Variants in CCDC178 observed in about 807,000 individuals in gnomAD.
The protein encoded by CCDC178 is coiled-coil domain containing 178.
CCDC178 carries 126 observed loss-of-function variants against 117.4 expected under a neutral mutation model. The ratio of observed to expected loss-of-function variants is 1.07; its 90% CI spans 0.93 to 1.24. CCDC178 has a LOEUF of 1.24. Among genes scored for constraint, CCDC178 ranks in the 50% most tolerant of loss-of-function variants. CCDC178 has a pLI of 0.00. For synonymous variants in CCDC178, 283 were observed against 313.4 expected, an observed-to-expected ratio of 0.90 and a Z score of 1.02; for missense variants, 1,030 against 986.9, an observed-to-expected ratio of 1.04 and a Z score of -0.59.
intron 15 of CCDC178, among the ~76,000 whole-genome samples, chr18:33,244,782 A>C (rs1014911706): frequency 6.6e-6 from 1 of 151,960 alleles, no homozygotes; most frequent in Non-Finnish European, 1.5e-5. Flanking sequence ...GGTTTGAAGC[A>C]TGTGAGCAAT....
chr18:33,160,881 C>T (rs1258987621), intron 20 of CCDC178, among the ~76,000 whole-genome samples: 2 of 152,112 alleles, frequency 1.3e-5, no homozygotes, highest in South Asian at 2.1e-4. Context: ...ATCCACTTGA[C>T]TCTTCATTAC....
chr18:33,048,260 A>AT (rs1598826050), intron 21 of CCDC178, among the ~76,000 whole-genome samples: 2 of 152,122 alleles, frequency 1.3e-5, no homozygotes, highest in African/African-American at 4.8e-5. Context: ...TAAACTTCTG[A>AT]TTTTTTAAGC....
At chr18:33,069,757 G>A (rs944492116) in intron 21 of CCDC178, among the ~76,000 whole-genome samples, 3 of 151,996 alleles carry the variant, frequency 2.0e-5, no homozygotes, top group Non-Finnish European at 4.4e-5. Context: ...AAAAATGGGA[G>A]AAAATGTTTG....
intron 5 of CCDC178, among the ~76,000 whole-genome samples, chr18:33,376,804 A>G (rs901114781): frequency 2.6e-5 from 4 of 152,188 alleles, no homozygotes; most frequent in African/African-American, 9.7e-5. Flanking sequence ...ATGGCAGTAT[A>G]GTATTTCATG....
intron 20 of CCDC178, among the ~76,000 whole-genome samples, chr18:33,094,060 C>T (rs1468796494): frequency 6.6e-6 from 1 of 151,954 alleles, no homozygotes; most frequent in Non-Finnish European, 1.5e-5. Context: ...ATTGCCTGTA[C>T]AAATATTTCT....
At chr18:33,088,293 T>C (rs951782610) in intron 21 of CCDC178, among the ~76,000 whole-genome samples, 3 of 151,420 alleles carry the variant, frequency 2.0e-5, no homozygotes, top group Non-Finnish European at 4.4e-5. Context: ...ATATTTCATA[T>C]AAAATTTAGA....
chr18:33,075,479 GT>G (rs1163455088), intron 21 of CCDC178, among the ~76,000 whole-genome samples: 2 of 152,010 alleles, frequency 1.3e-5, no homozygotes, highest in Non-Finnish European at 2.9e-5. Context: ...TCTCTACAAT[GT>G]GATTATTATG....
intron 21 of CCDC178, among the ~76,000 whole-genome samples, chr18:33,058,334 G>A (rs573674217): frequency 5.6e-4 from 86 of 152,290 alleles, no homozygotes; most frequent in Middle Eastern, 3.4e-3. Context: ...AATGAAGTAC[G>A]TAAAAATGAT....
intron 3 of CCDC178, among the ~76,000 whole-genome samples, chr18:33,405,099 T>C (rs2063762711): frequency 6.6e-6 from 1 of 152,066 alleles, no homozygotes; most frequent in Admixed American, 6.6e-5. Flanking sequence ...GTAAATTTTA[T>C]GCTATGTGAA....
intron 20 of CCDC178, among the ~76,000 whole-genome samples, chr18:33,105,691 A>C (rs2057696208): frequency 6.6e-6 from 1 of 151,652 alleles, no homozygotes; most frequent in Admixed American, 6.6e-5. Context: ...TGAGAAAAAT[A>C]ATAAGGTTTC....
At chr18:32,979,474 A>T (rs959158823) in intron 21 of CCDC178, among the ~76,000 whole-genome samples, 1 of 152,214 alleles carries the variant, frequency 6.6e-6, no homozygotes, top group African/African-American at 2.4e-5. Context: ...TTATAAATCA[A>T]TATGACCAAT....
Position 32,964,774 on chromosome 18 carries a change from C to T in CCDC178, c.2523+9773G>A, listed in dbSNP as rs147166624. 6.0e-4 allele frequency among the ~76,000 whole-genome samples: 91 copies of T among 152,046 alleles called. 2 individuals are homozygous for T. In the East Asian group the frequency reaches 0.016, roughly 27 times the overall value. ...TTCAGAGCGGTTAAGTGTATATTTT[C>T]ACTTCAGAAAATATCCCATAGAAAG... On this transcript the variant is annotated intron_variant, in intron 22 of 22. Transcript: ENST00000383096.
At chr18:33,351,228 T>G (rs528831494) in intron 7 of CCDC178, among the ~76,000 whole-genome samples, 1 of 152,140 alleles carries the variant, frequency 6.6e-6, no homozygotes, top group Non-Finnish European at 1.5e-5. Context: ...AAAGTCTCAC[T>G]GTCGCCCAGG....
At chr18:33,203,914 A>T (rs2059019846) in intron 20 of CCDC178, among the ~76,000 whole-genome samples, 1 of 152,138 alleles carries the variant, frequency 6.6e-6, no homozygotes, top group East Asian at 1.9e-4. Context: ...CTCTTTTAAG[A>T]CTCTATCCAA....
chr18:33,083,475 G>C (rs9964841), intron 21 of CCDC178, among the ~76,000 whole-genome samples: 78 of 152,290 alleles, frequency 5.1e-4, no homozygotes, highest in African/African-American at 1.8e-3. Flanking sequence ...CCAAAAACTA[G>C]ATATTATCAT....
intron 15 of CCDC178, among the ~76,000 whole-genome samples, chr18:33,241,485 C>CA (rs2059487898): frequency 6.9e-6 from 1 of 143,960 alleles, no homozygotes; most frequent in Non-Finnish European, 1.5e-5. Flanking sequence ...GAGACTCTAC[C>CA]AAAAAAATTG....
intron 11 of CCDC178, among the ~76,000 whole-genome samples, chr18:33,317,945 T>C (rs1423201968): frequency 6.6e-6 from 1 of 151,990 alleles, no homozygotes; most frequent in Non-Finnish European, 1.5e-5. Flanking sequence ...CCATGCTAAA[T>C]GGAATGAGCA....
intron 14 of CCDC178, among the ~76,000 whole-genome samples, chr18:33,249,629 C>A (rs1457550922): frequency 1.3e-5 from 2 of 152,046 alleles, no homozygotes; most frequent in East Asian, 3.9e-4. Context: ...TCAGCTCTAT[C>A]TCTGTTTTGG....
chr18:33,249,538 T>A (rs2059592063), intron 14 of CCDC178, among the ~76,000 whole-genome samples: 1 of 152,090 alleles, frequency 6.6e-6, no homozygotes, highest in South Asian at 2.1e-4. Flanking sequence ...CTTTCCCCAT[T>A]GCTTGTTTTT....
Sources: allele counts gnomAD v4.1 joint callset (sites outside exome capture counted in the v4.1 genomes callset), GRCh38; gene constraint gnomAD v4.1.1; transcripts MANE v1.5; gene names NCBI Gene and HGNC (gene_info 2026-07-23, HGNC 2026-07-21).